The following FAM13A variants were observed in gnomAD, a reference collection of about 807,000 sequenced individuals.
The protein encoded by FAM13A is protein FAM13A.
In FAM13A, 76 loss-of-function variants were observed where a neutral mutation model predicts 129.6. The observed-to-expected ratio is 0.59, with a 90% CI of 0.49 to 0.71. FAM13A has a LOEUF of 0.71. Among genes scored for constraint, FAM13A ranks in the 30% least tolerant of loss-of-function variants. FAM13A has a pLI of 0.00. For synonymous variants in FAM13A, 443 were observed against 449.9 expected (o/e 0.98, Z 0.20); for missense variants, 1,108 against 1,249.3 (o/e 0.89, Z 1.70).
chr4:88,964,807 T>C (rs1045698383), intron 4 of FAM13A, among the ~76,000 whole-genome samples: 30 of 152,032 alleles, frequency 2.0e-4, no homozygotes, highest in African/African-American at 7.3e-4. Context: ...TTTGTGTTTT[T>C]AGTAAAGACA....
chr4:89,026,470 A>T (rs1171335653), intron 2 of FAM13A, among the ~76,000 whole-genome samples: 2 of 152,240 alleles, frequency 1.3e-5, no homozygotes, highest in African/African-American at 4.8e-5. Flanking sequence ...TAATTTTGTC[A>T]TAAAGAACTG....
chr4:88,781,092 A>G (rs1722752176), intron 11 of FAM13A, 73 bp downstream of exon 11: 4 of 1,109,052 alleles, frequency 3.6e-6, no homozygotes, highest in South Asian at 2.0e-5. Context: ...ATTACTTTTA[A>G]TTTTTTTACA....
At chr4:88,905,731 T>C (rs1748036400) in intron 6 of FAM13A, 1 of 152,230 alleles carries the variant, frequency 6.6e-6, no homozygotes, top group African/African-American at 2.4e-5. Context: ...GCAAAAGGCA[T>C]GGTCTCATAG....
At chr4:88,910,678 T>G (rs1748963131) in intron 5 of FAM13A, among the ~76,000 whole-genome samples, 1 of 149,854 alleles carries the variant, frequency 6.7e-6, no homozygotes, top group Admixed American at 6.7e-5. Context: ...TGAGATGGAG[T>G]CTCGCTCTGT....
chr4:88,943,529 C>G lies in FAM13A; in HGVS notation c.606-5288G>C, dbSNP rs539563810. Reference sequence around the variant, plus strand: ...TAAAGGATTCTCATCATGGTTCTAACATGGCCATTTTAAATCTTGTCCACA... The same window carrying G: ...TAAAGGATTCTCATCATGGTTCTAAGATGGCCATTTTAAATCTTGTCCACA... On this transcript the variant is annotated intron_variant, in intron 4 of 23. Coordinates refer to ENST00000264344, the MANE Select transcript of FAM13A (RefSeq NM_014883.4). Among the ~76,000 whole-genome samples, 18 of 152,350 alleles carry G rather than the reference C, an allele frequency of 1.2e-4. No homozygotes were observed. The East Asian group carries it at 3.5e-3, about 29-fold the overall frequency.
rs774686938 is a variant in FAM13A at position 89,022,740 on chromosome 4, TTCTC to T, written c.218-2075_218-2072del. Reference sequence around the variant, plus strand: ...ATAAAAGACTGACAATCCATCATGCTTCTCTCTCTTTCTCTCTCTCTCCCCCTCT... The same window carrying T: ...ATAAAAGACTGACAATCCATCATGCTTCTCTTTCTCTCTCTCTCCCCCTCT... On this transcript the variant is annotated intron_variant, in intron 2 of 23. Transcript: ENST00000264344. Among the ~76,000 whole-genome samples, 127 of 152,266 alleles carry T rather than the reference TTCTC, an allele frequency of 8.3e-4. No individual in the cohort carries two copies. The Middle Eastern group carries it at 0.01, about 12-fold the overall frequency.
intron 5 of FAM13A, among the ~76,000 whole-genome samples, chr4:88,908,381 T>A (rs996280434): frequency 1.3e-5 from 2 of 152,248 alleles, no homozygotes; most frequent in African/African-American, 4.8e-5. Context: ...ACTACTGGTA[T>A]GTAAATGCTA....
intron 11 of FAM13A, among the ~76,000 whole-genome samples, chr4:88,779,386 A>G (rs1437479355): frequency 1.3e-5 from 2 of 152,178 alleles, no homozygotes; most frequent in East Asian, 3.8e-4. Context: ...AACATTCAGG[A>G]TGTCGTCTTA....
chr4:88,953,197 G>C (rs1481201904), intron 4 of FAM13A, among the ~76,000 whole-genome samples: 1 of 151,878 alleles, frequency 6.6e-6, no homozygotes, highest in Non-Finnish European at 1.5e-5. Flanking sequence ...GGCTCAGCCT[G>C]TAATCCCAGC....
At chr4:88,739,921 A>G (rs942807828) in intron 19 of FAM13A, among the ~76,000 whole-genome samples, 1 of 152,186 alleles carries the variant, frequency 6.6e-6, no homozygotes, top group Non-Finnish European at 1.5e-5. Context: ...AAATACATGA[A>G]CTGATTCATC....
chr4:88,789,717 T>C (rs1001288852), intron 9 of FAM13A, among the ~76,000 whole-genome samples: 8 of 152,120 alleles, frequency 5.3e-5, no homozygotes, highest in Non-Finnish European at 1.2e-4. Flanking sequence ...TAATTTCCAA[T>C]AGTAATAAGT....
chr4:89,035,883 A>G (rs1769325780), intron 1 of FAM13A, among the ~76,000 whole-genome samples: 1 of 152,174 alleles, frequency 6.6e-6, no homozygotes, highest in African/African-American at 2.4e-5. Context: ...CCTTTTAAAC[A>G]TCTTTTCTTT....
chr4:88,918,176 T>C (rs1039861669), intron 5 of FAM13A, among the ~76,000 whole-genome samples: 3 of 152,260 alleles, frequency 2.0e-5, no homozygotes, highest in African/African-American at 4.8e-5. Flanking sequence ...ATATTTATTA[T>C]AGTGTCTTTC....
intron 4 of FAM13A, among the ~76,000 whole-genome samples, chr4:88,945,367 T>C (rs1324046997): frequency 6.6e-6 from 1 of 152,220 alleles, no homozygotes; most frequent in African/African-American, 2.4e-5. Flanking sequence ...GACATTCAAC[T>C]GCAAATCAGG....
intron 6 of FAM13A, among the ~76,000 whole-genome samples, chr4:88,865,510 G>C (rs551037262): frequency 3.4e-4 from 52 of 152,318 alleles, no homozygotes; most frequent in African/African-American, 1.2e-3. Context: ...TGTAAGTTCT[G>C]AGTTTTAGTG....
At chr4:89,050,369 A>AT (rs996609829) in intron 1 of FAM13A, among the ~76,000 whole-genome samples, 2 of 151,512 alleles carry the variant, frequency 1.3e-5, no homozygotes, top group Admixed American at 6.6e-5. Flanking sequence ...CTCCCAGCTA[A>AT]TTTTTTTTGT....
At chr4:88,749,514 TC>T (rs1742092055) in intron 16 of FAM13A, among the ~76,000 whole-genome samples, 1 of 152,206 alleles carries the variant, frequency 6.6e-6, no homozygotes, top group Admixed American at 6.5e-5. Context: ...TTTCTCCAGT[TC>T]CTGCTTACTG....
At chr4:88,753,371 G>A (rs1312519673) in intron 14 of FAM13A, among the ~76,000 whole-genome samples, 1 of 152,174 alleles carries the variant, frequency 6.6e-6, no homozygotes, top group Non-Finnish European at 1.5e-5. Flanking sequence ...TTCTTGATCA[G>A]TTGCTTTACT....
In FAM13A at chr4:89,000,786, TA is replaced by T. The variant is rs370412185; in HGVS notation, c.428-9637del. 3.3e-5 allele frequency among the ~76,000 whole-genome samples: 5 copies of T among 152,220 alleles called. No homozygotes were observed. In the South Asian group the frequency reaches 6.2e-4, roughly 19 times the overall value. On this transcript the variant is annotated intron_variant, in intron 3 of 23. Transcript: ENST00000264344. ...AGAAAGTCAGAGGAGACCTTTCAGA[TA>T]AAGATGACAGATCATTTCAGTTAAA...
Sources: allele counts gnomAD v4.1 joint callset (sites outside exome capture counted in the v4.1 genomes callset), GRCh38; gene constraint gnomAD v4.1.1; transcripts MANE v1.5; gene names NCBI Gene and HGNC (gene_info 2026-07-23, HGNC 2026-07-21).